LARGE1: variants seen among roughly 807,000 people sequenced by gnomAD.
The protein encoded by LARGE1 is xylosyl- and glucuronyltransferase LARGE1.
LARGE1 carries 43 observed loss-of-function variants against 87.6 expected under a neutral mutation model. The observed-to-expected ratio is 0.49, with a 90% confidence interval of 0.38 to 0.63. The LOEUF is 0.63. Ranked by LOEUF, LARGE1 falls within the 30% of genes least tolerant of loss-of-function variation. The pLI is 0.00. For missense variants in LARGE1, 802 were observed against 1,000.2 expected (o/e 0.80, Z 2.67); for synonymous variants, 434 against 394.6 (o/e 1.10, Z -1.18).
intron 6 of LARGE1, among the ~76,000 whole-genome samples, chr22:33,481,690 C>T (rs867963989): frequency 8.5e-5 from 13 of 152,172 alleles, no homozygotes; most frequent in South Asian, 2.1e-4. Context: ...GGATATTCCC[C>T]GGGTAAACCT....
the LARGE1 span, among the ~76,000 whole-genome samples, chr22:33,129,423 A>G: frequency 6.6e-6 from 1 of 152,226 alleles, no homozygotes; most frequent in African/African-American, 2.4e-5. Flanking sequence ...TGAAATTGCA[A>G]TAAGGTTTTA....
chr22:33,079,221 C>CTTTT, the LARGE1 span, among the ~76,000 whole-genome samples: 136 of 85,694 alleles, frequency 1.6e-3, no homozygotes, highest in Non-Finnish European at 2.1e-3. Context: ...AGTTATCATT[C>CTTTT]TTTTTTTTTT....
chr22:33,861,846 G>C (rs1052042772), intron 1 of LARGE1, among the ~76,000 whole-genome samples: 3 of 149,174 alleles, frequency 2.0e-5, no homozygotes, highest in African/African-American at 7.4e-5. Context: ...AGTGGATTTT[G>C]GGACCCAGAC....
At chr22:33,723,431 C>T (rs1347286502) in intron 2 of LARGE1, among the ~76,000 whole-genome samples, 2 of 152,138 alleles carry the variant, frequency 1.3e-5, no homozygotes, top group Admixed American at 1.3e-4. Context: ...CTCATGTCTA[C>T]AGATGCTTTG....
intron 2 of LARGE1, among the ~76,000 whole-genome samples, chr22:33,683,399 C>T (rs955213300): frequency 6.6e-6 from 1 of 152,174 alleles, no homozygotes; most frequent in Non-Finnish European, 1.5e-5. Flanking sequence ...GGCTTTCAGA[C>T]TGGAACTATA....
At position 33,738,491 on chromosome 22, in the gene LARGE1, T is replaced by C. The variant is rs186138362; in HGVS notation, c.106+22880A>G. 1.3e-4 allele frequency among the ~76,000 whole-genome samples: 20 copies of C among 152,144 alleles called. No individual in the cohort carries two copies. The East Asian group carries it at 3.9e-3, about 29-fold the overall frequency. ...GGGCAGGGAAATGAGGAAGGGGGAATAGTGTCCATCTGGCTAGCTCTGCTT... is the reference window on the plus strand; with the variant it reads ...GGGCAGGGAAATGAGGAAGGGGGAACAGTGTCCATCTGGCTAGCTCTGCTT... On this transcript the variant is annotated intron_variant, in intron 2 of 14. Coordinates refer to ENST00000397394, the MANE Select transcript of LARGE1 (RefSeq NM_133642.5).
chr22:33,663,282 T>TA (rs2081182095), intron 2 of LARGE1, among the ~76,000 whole-genome samples: 1 of 152,214 alleles, frequency 6.6e-6, no homozygotes, highest in South Asian at 2.1e-4. Flanking sequence ...CTTGTGTTAA[T>TA]ACTTATTAAG....
rs537020317 is a variant in LARGE1, at chr22:33,385,242, C to T, written c.893-938G>A. ...CTATATCCTTTTGTGTTTTTTAAAA[C>T]GCTAAAACAACAGCCGGGTGTGGTG... On this transcript the variant is annotated intron_variant, in intron 7 of 14. Coordinates refer to ENST00000397394, the MANE Select transcript of LARGE1 (RefSeq NM_133642.5). 2.2e-4 allele frequency among the ~76,000 whole-genome samples: 33 copies of T among 148,238 alleles called. 4 individuals are homozygous for T. The highest frequency in any genetic ancestry group is 1.4e-3 in the South Asian group (6 of 4,216).
chr22:33,205,036 G>GAA (rs61422535), intron 11 of LARGE1, among the ~76,000 whole-genome samples: 7 of 151,664 alleles, frequency 4.6e-5, no homozygotes, highest in Admixed American at 1.3e-4. Context: ...ATATTAGGTT[G>GAA]AAAAAAAATA....
intron 2 of LARGE1, among the ~76,000 whole-genome samples, chr22:33,708,652 G>A (rs535285418): frequency 6.6e-6 from 1 of 152,320 alleles, no homozygotes; most frequent in South Asian, 2.1e-4. Context: ...CCAGGCTGGA[G>A]TACAGTGGTG....
chr22:33,819,914 G>A (rs1408103456), intron 1 of LARGE1, among the ~76,000 whole-genome samples: 1 of 152,196 alleles, frequency 6.6e-6, no homozygotes, highest in African/African-American at 2.4e-5. Flanking sequence ...GTCCTAGCCA[G>A]TAGGACATGT....
chr22:33,799,078 C>A (rs759239120), intron 1 of LARGE1, among the ~76,000 whole-genome samples: 1 of 151,976 alleles, frequency 6.6e-6, no homozygotes, highest in Non-Finnish European at 1.5e-5. Context: ...CCTCCAGATT[C>A]CTGGAGTTTC....
intron 1 of LARGE1, among the ~76,000 whole-genome samples, chr22:33,850,316 C>T (rs542384018): frequency 6.6e-6 from 1 of 152,254 alleles, no homozygotes; most frequent in South Asian, 2.1e-4. Context: ...CTCTCATATC[C>T]TAGGATTATC....
At chr22:33,311,918 C>T (rs1016418501) in intron 11 of LARGE1, among the ~76,000 whole-genome samples, 2 of 152,056 alleles carry the variant, frequency 1.3e-5, no homozygotes, top group Non-Finnish European at 1.5e-5. Flanking sequence ...AGTGACTTGC[C>T]CAGAACACCA....
intron 10 of LARGE1, among the ~76,000 whole-genome samples, chr22:33,325,446 A>G (rs1394476090): frequency 2.0e-5 from 3 of 151,948 alleles, no homozygotes; most frequent in African/African-American, 7.2e-5. Flanking sequence ...GAGCAAGAGA[A>G]TCCTGTAGAG....
intron 1 of LARGE1, among the ~76,000 whole-genome samples, chr22:33,869,798 A>T (rs545637905): frequency 6.6e-6 from 1 of 152,318 alleles, no homozygotes; most frequent in South Asian, 2.1e-4. Flanking sequence ...CACGGTGAAA[A>T]GATGGGAAAT....
intron 2 of LARGE1, among the ~76,000 whole-genome samples, chr22:33,695,271 T>C (rs189997035): frequency 4.6e-5 from 7 of 152,004 alleles, no homozygotes; most frequent in Admixed American, 6.6e-5. Context: ...ACCCTGCTAA[T>C]TTTTCTATTT....
intron 11 of LARGE1, among the ~76,000 whole-genome samples, chr22:33,265,729 C>T (rs1479242327): frequency 6.6e-6 from 1 of 152,190 alleles, no homozygotes; most frequent in African/African-American, 2.4e-5. Flanking sequence ...GAACCAATCA[C>T]TTGTTTACAG....
At chr22:33,105,127 A>T in the LARGE1 span, among the ~76,000 whole-genome samples, 1 of 151,044 alleles carries the variant, frequency 6.6e-6, no homozygotes, top group African/African-American at 2.4e-5. Context: ...CCTCCCAAGT[A>T]GCTGGGATTA....
Sources: allele counts gnomAD v4.1 joint callset (sites outside exome capture counted in the v4.1 genomes callset), GRCh38; gene constraint gnomAD v4.1.1; transcripts MANE v1.5; gene names NCBI Gene and HGNC (gene_info 2026-07-23, HGNC 2026-07-21).